Variants in NT5C2 observed in about 807,000 individuals in gnomAD.
NT5C2 encodes the protein 5'-nucleotidase, cytosolic II.
Under a neutral mutation model 76.1 loss-of-function variants are expected in NT5C2, and 58 were observed. That is an observed-to-expected ratio of 0.76 (90% CI 0.62 to 0.95). NT5C2 has a LOEUF of 0.95. NT5C2 is among the 40% of genes least tolerant of loss of function. The pLI is 0.00. For synonymous variants in NT5C2, 229 were observed against 237.4 expected (o/e 0.96, Z 0.32); for missense variants, 478 against 690.3 (o/e 0.69, Z 3.45).
intron 4 of NT5C2, 52 bp from the exon 5 acceptor site, chr10:103,106,758 A>C: frequency 9.5e-7 from 1 of 1,054,794 alleles, no homozygotes; most frequent in Non-Finnish European, 1.5e-6. Context: ...GCCAATTAAA[A>C]CAGAATGCAA....
intron 4 of NT5C2, among the ~76,000 whole-genome samples, chr10:103,116,169 CAT>C (rs1035012047): frequency 6.6e-6 from 1 of 152,098 alleles, no homozygotes; most frequent in African/African-American, 2.4e-5. Context: ...GTTTCTGCCA[CAT>C]GATTTTTAAA....
In NT5C2 at chr10:103,173,393, G is replaced by A. The variant is rs538596111; in HGVS notation, c.101+1465C>T. ...AGCACTTTGGGAGGCTGAGGTGGGCGGATCACAAGAAGAGTAGATCAAGAC... is the reference window on the plus strand; with the variant it reads ...AGCACTTTGGGAGGCTGAGGTGGGCAGATCACAAGAAGAGTAGATCAAGAC... On this transcript the variant is annotated intron_variant, in intron 3 of 18. Coordinates refer to ENST00000404739, the MANE Select transcript of NT5C2 (RefSeq NM_001351169.2). Among the ~76,000 whole-genome samples, 38 of 151,240 alleles carry A rather than the reference G, an allele frequency of 2.5e-4. 1 individual carries two copies. The highest frequency in any genetic ancestry group is 1.8e-3 in the Admixed American group (27 of 15,152).
At chr10:103,091,433 T>C (rs2066853233) in intron 16 of NT5C2, 131 bp downstream of exon 16, 5 of 689,462 alleles carry the variant, frequency 7.3e-6, no homozygotes, top group Admixed American at 2.4e-5. Context: ...GCAACCTCCA[T>C]TTCCCCGGTT....
chr10:103,149,392 C>G (rs2082036566), intron 3 of NT5C2, among the ~76,000 whole-genome samples: 1 of 152,180 alleles, frequency 6.6e-6, no homozygotes, highest in African/African-American at 2.4e-5. Flanking sequence ...AAATTCCCTT[C>G]ACCTTCATTC....
rs1263609983 is a variant in NT5C2, at chr10:103,094,614, T to G, written c.814-159A>C. On this transcript the variant is annotated intron_variant, in intron 12 of 18. Coordinates refer to ENST00000404739, the MANE Select transcript of NT5C2 (RefSeq NM_001351169.2). ...AAGGTATTGTGTCAGCCAGGCACAG[T>G]GGCTCACACCTGTAATCCCAGTACT... 5 of 597,938 alleles carry G rather than the reference T, an allele frequency of 8.4e-6. No homozygotes were observed. The African/African-American group carries it at 9.3e-5, about 11-fold the overall frequency. The allele number at this position is 597,938 out of a possible 1,614,324, so 37.0% of individuals were successfully genotyped here. A position where few individuals can be genotyped will look rare whatever the true frequency, so the allele number is the denominator to read the frequency against.
At chr10:103,165,486 T>TC (rs2086138081) in intron 3 of NT5C2, among the ~76,000 whole-genome samples, 1 of 143,040 alleles carries the variant, frequency 7.0e-6, no homozygotes, top group African/African-American at 2.6e-5. Flanking sequence ...AGAGCAAAAC[T>TC]CCATCTCAAA....
intron 1 of NT5C2, among the ~76,000 whole-genome samples, chr10:103,189,617 GA>G (rs1280251958): frequency 1.5e-4 from 21 of 135,952 alleles, no homozygotes; most frequent in Admixed American, 9.6e-4. Context: ...AAAAAAAAAC[GA>G]AAAAAAAAAC....
chr10:103,124,180 T>TA (rs1187417074), intron 4 of NT5C2, among the ~76,000 whole-genome samples: 8 of 152,214 alleles, frequency 5.3e-5, no homozygotes, highest in African/African-American at 1.9e-4. Context: ...TTGCATCTAT[T>TA]AGAAGCATAA....
At chr10:103,176,186 A>T (rs1422505801) in intron 2 of NT5C2, 1 of 153,580 alleles carries the variant, frequency 6.5e-6, no homozygotes, top group South Asian at 2.1e-4. Flanking sequence ...CCAGAAAGGA[A>T]GGGGCTATTG....
intron 10 of NT5C2, chr10:103,097,919 C>T (rs2068601106): frequency 4.4e-6 from 2 of 455,248 alleles, no homozygotes; most frequent in Non-Finnish European, 8.5e-6. Flanking sequence ...AATATCTTTT[C>T]CTTCTCGCAT....
chr10:103,119,684 C>T (rs761336121), intron 4 of NT5C2, among the ~76,000 whole-genome samples: 2 of 152,230 alleles, frequency 1.3e-5, no homozygotes, highest in Non-Finnish European at 2.9e-5. Context: ...CCAGTTTACA[C>T]GCTATCAATA....
chr10:103,151,337 G>A (rs1485763107), intron 3 of NT5C2, among the ~76,000 whole-genome samples: 1 of 151,994 alleles, frequency 6.6e-6, no homozygotes, highest in Admixed American at 6.6e-5. Flanking sequence ...GGTGGTGCAT[G>A]CCTGTAATCC....
At chr10:103,129,617 G>T (rs1348650251) in intron 4 of NT5C2, among the ~76,000 whole-genome samples, 1 of 106,298 alleles carries the variant, frequency 9.4e-6, no homozygotes, top group Non-Finnish European at 2.1e-5. Flanking sequence ...CGTCCGGGAG[G>T]GAGGTGGGGG....
At chr10:103,166,314 T>G (rs942576151) in intron 3 of NT5C2, among the ~76,000 whole-genome samples, 7 of 152,222 alleles carry the variant, frequency 4.6e-5, no homozygotes, top group African/African-American at 1.7e-4. Context: ...TCTCTACCCC[T>G]AGCAACCATT....
intron 4 of NT5C2, among the ~76,000 whole-genome samples, chr10:103,115,072 T>A (rs2074003201): frequency 6.6e-6 from 1 of 152,214 alleles, no homozygotes; most frequent in Non-Finnish European, 1.5e-5. Flanking sequence ...AGCTATTATG[T>A]TAGAAGTATG....
At chr10:103,113,286 TAAG>T (rs2073505404) in intron 4 of NT5C2, among the ~76,000 whole-genome samples, 1 of 150,834 alleles carries the variant, frequency 6.6e-6, no homozygotes, top group African/African-American at 2.5e-5. Context: ...TAAAAAATAC[TAAG>T]AATATTAGAA....
Position 103,183,291 on chromosome 10 carries a change from A to ATATATATATATATTATATATATATATATC in NT5C2, c.-168-1964_-168-1963insGATATATATATATATAATATATATATATA, listed in dbSNP as rs1554841794. On this transcript the variant is annotated intron_variant, in intron 1 of 18. Coordinates refer to ENST00000404739, the MANE Select transcript of NT5C2 (RefSeq NM_001351169.2). ...TATATATATATATATATATATATAT[A>ATATATATATATATTATATATATATATATC]TATCACACACTCCTTCCCTCCCCTC... Among the ~76,000 whole-genome samples the ATATATATATATATTATATATATATATATC allele has an allele frequency of 4.6e-3, 595 of 128,108 alleles. 5 individuals carry two copies. The highest frequency in any genetic ancestry group is 0.016 in the Admixed American group (184 of 11,598). 84.0% of individuals were successfully genotyped at this position (128,108 alleles called of 152,430 possible).
intron 10 of NT5C2, among the ~76,000 whole-genome samples, chr10:103,097,773 G>A (rs2068567156): frequency 6.6e-6 from 1 of 152,164 alleles, no homozygotes; most frequent in Admixed American, 6.5e-5. Flanking sequence ...ATTAGATATG[G>A]CTTTCAGTGT....
chr10:103,110,172 C>T (rs1565004067), intron 4 of NT5C2, among the ~76,000 whole-genome samples: 1 of 152,112 alleles, frequency 6.6e-6, no homozygotes, highest in Non-Finnish European at 1.5e-5. Flanking sequence ...TGGTAACTCA[C>T]ACCTGTAATC....
Sources: allele counts gnomAD v4.1 joint callset (sites outside exome capture counted in the v4.1 genomes callset), GRCh38; gene constraint gnomAD v4.1.1; transcripts MANE v1.5; gene names NCBI Gene and HGNC (gene_info 2026-07-23, HGNC 2026-07-21).